The following MYO7B variants were observed in gnomAD, a reference collection of about 807,000 sequenced individuals.
The protein encoded by MYO7B is myosin VIIB, also known as unconventional myosin-VIIb.
In MYO7B, 212 loss-of-function variants were observed where a neutral mutation model predicts 259.7. The observed-to-expected ratio is 0.82, with a 90% CI of 0.73 to 0.91. The LOEUF is 0.91. Ranked by LOEUF, MYO7B falls within the 40% of genes least tolerant of loss-of-function variation. The pLI is 0.00. For missense variants in MYO7B, 2,732 were observed against 2,813.5 expected, an observed-to-expected ratio of 0.97 and a Z score of 0.66; for synonymous variants, 1,197 against 1,166.4, an observed-to-expected ratio of 1.03 and a Z score of -0.54.
Position 127,607,171 on chromosome 2 carries a change from T to C in MYO7B, c.2425-35T>C. 6.6e-7 allele frequency: 1 copy of C among 1,520,682 alleles called. No individual in the cohort carries two copies. The highest frequency in any genetic ancestry group is 1.2e-5 in the South Asian group (1 of 81,288). 94.2% of individuals were successfully genotyped at this position (1,520,682 alleles called of 1,614,324 possible). ...TCTCTGTTTCCTGGGGAAGGCCTTC[T>C]TGCCCCTGATCTCACCTCTCTCTTG... On this transcript the variant is annotated intron_variant, in intron 20 of 47. Coordinates refer to ENST00000409816, the MANE Select transcript of MYO7B (RefSeq NM_001393586.1). The surrounding 1 kb of genome is among the most constrained non-coding windows in gnomAD (Gnocchi z 4.4).
chr2:127,595,107 AT>A (rs1486495347), intron 18 of MYO7B, among the ~76,000 whole-genome samples: 1 of 151,986 alleles, frequency 6.6e-6, no homozygotes, highest in Admixed American at 6.6e-5. Flanking sequence ...TGGTCCTGGG[AT>A]TTTTTTCATT....
chr2:127,565,482 C>T, intron 4 of MYO7B, 97 bp downstream of exon 4: 3 of 1,491,482 alleles, frequency 2.0e-6, no homozygotes, highest in Non-Finnish European at 2.7e-6. Context: ...GCACTGCCCC[C>T]CATGCCCTCA....
rs1679818451 is a variant in MYO7B, at chr2:127,597,527, G to A, written c.2339+971G>A. ...CCATTGCACAAATGTTATATACGTGGAATTATACAACATGCAGCCTGGGGT... is the reference window on the plus strand; with the variant it reads ...CCATTGCACAAATGTTATATACGTGAAATTATACAACATGCAGCCTGGGGT... On this transcript the variant is annotated intron_variant, in intron 19 of 47. Coordinates refer to ENST00000409816, the MANE Select transcript of MYO7B (RefSeq NM_001393586.1). The surrounding 1 kb of genome is among the most constrained non-coding windows in gnomAD (Gnocchi z 4.8). 6.6e-6 allele frequency among the ~76,000 whole-genome samples: 1 copy of A among 152,076 alleles called. No individual in the cohort carries two copies. Among genetic ancestry groups the A allele is most frequent in the South Asian group, 2.1e-4 (1 of 4,818 alleles).
rs1190815168 is a variant in MYO7B, at chr2:127,611,572, C to T, written c.3193-678C>T. Among the ~76,000 whole-genome samples, 1 of 152,202 alleles carries T rather than the reference C, an allele frequency of 6.6e-6. No homozygotes were observed. Among genetic ancestry groups the T allele is most frequent in the Non-Finnish European group, 1.5e-5 (1 of 68,026 alleles). Reference sequence around the variant, plus strand: ...TTTGCCAGCTCATGTGTTTCATGGCCAGCCCCTGCACGGTAAACCAGCTTT... The same window carrying T: ...TTTGCCAGCTCATGTGTTTCATGGCTAGCCCCTGCACGGTAAACCAGCTTT... On this transcript the variant is annotated intron_variant, in intron 24 of 47. Transcript: ENST00000409816. This position sits in a 1 kb window ranked among gnomAD's most constrained non-coding sequence, Gnocchi z 5.4.
chr2:127,609,695 G>A lies in MYO7B; in HGVS notation c.3004G>A (p.Glu1002Lys), dbSNP rs574346274. The change falls in exon 23 of 48, where the codon GAA (glutamate) becomes AAA (lysine). Residue 1002 changes from glutamate to lysine, a missense_variant. Physicochemically the swap from Glu to Lys is moderately conservative, Grantham distance 56 (BLOSUM62 1). Transcript: ENST00000409816. The surrounding 1 kb of genome is among the most constrained non-coding windows in gnomAD (Gnocchi z 6.9). ...CCTCCGATACCCGTTGCTTTACCAC[G>A]AAGATGACACTGACTGCTTGGTACC... ...RPLRYPLLYHEDDTDCLAALV... is the reference protein window; with the variant it reads ...RPLRYPLLYHKDDTDCLAALV... 5.8e-5 allele frequency: 93 copies of A among 1,613,940 alleles called. 2 individuals are homozygous for A. The South Asian group carries it at 8.0e-4, about 14-fold the overall frequency.
chr2:127,560,261 A>G (rs1395662893), intron 2 of MYO7B, among the ~76,000 whole-genome samples: 2 of 152,008 alleles, frequency 1.3e-5, no homozygotes, highest in Non-Finnish European at 2.9e-5. Context: ...CCTGAGCTCA[A>G]AGCAATCCAC....
intron 1 of MYO7B, among the ~76,000 whole-genome samples, chr2:127,544,216 A>T (rs1182349847): frequency 6.6e-6 from 1 of 152,164 alleles, no homozygotes; most frequent in East Asian, 1.9e-4. Flanking sequence ...AGCTGGGACC[A>T]CAGGTGCTCA....
In MYO7B at chr2:127,630,895, T is replaced by A; in HGVS notation, c.4924T>A (p.Tyr1642Asn). 1 of 1,585,068 alleles carries A rather than the reference T, an allele frequency of 6.3e-7. No homozygotes were observed. Among genetic ancestry groups the A allele is most frequent in the Non-Finnish European group, 8.6e-7 (1 of 1,165,794 alleles). ...EKLHTLEEFS[Y>N]EFFRAPEKDM... ...GCTGCACACCCTGGAGGAGTTCTCC[T>A]ATGAGTTCTTCAGGTGCCCCCCAGC... The change falls in exon 36 of 48, where the codon TAT (tyrosine) becomes AAT (asparagine). Residue 1642 changes from tyrosine to asparagine, a missense_variant. By Grantham distance (143) the Tyr-to-Asn change is moderately radical (BLOSUM62 -2). This residue lies in a region of MYO7B where 821 missense variants were observed against 769.3 expected (regional missense o/e 1.07). Coordinates refer to ENST00000409816, the MANE Select transcript of MYO7B (RefSeq NM_001393586.1).
chr2:127,537,675 G>A (rs1042201054), intron 1 of MYO7B, among the ~76,000 whole-genome samples: 1 of 151,948 alleles, frequency 6.6e-6, no homozygotes, highest in Non-Finnish European at 1.5e-5. Flanking sequence ...GAAGGAATAG[G>A]AGGAGGAGGA....
chr2:127,584,833 C>G lies in MYO7B; in HGVS notation c.1610C>G (p.Ala537Gly). The change falls in exon 14 of 48, where the codon GCC becomes GGC. Residue 537 changes from alanine to glycine, a missense_variant. Physicochemically the swap from Ala to Gly is moderately conservative, Grantham distance 60. Transcript: ENST00000409816. This position sits in a 1 kb window ranked among gnomAD's most constrained non-coding sequence, Gnocchi z 5.8. Reference sequence around the variant, plus strand: ...AACAGCGTCCATGCCAACAACAAGGCCTTCCTACAGCCCAAGAACATCCAC... The same window carrying G: ...AACAGCGTCCATGCCAACAACAAGGGCTTCCTACAGCCCAAGAACATCCAC... ...KLNSVHANNK[A>G]FLQPKNIHDA... is the part of the protein sequence containing the mutation. 1.2e-6 allele frequency: 2 copies of G among 1,613,982 alleles called. No homozygotes were observed. The highest frequency in any genetic ancestry group is 1.7e-6 in the Non-Finnish European group (2 of 1,179,894).
Position 127,627,743 on chromosome 2 carries a change from G to A in MYO7B, c.4460+433G>A, listed in dbSNP as rs955734605. 2.2e-6 allele frequency: 1 copy of A among 459,104 alleles called. No homozygotes were observed. The highest frequency in any genetic ancestry group is 4.4e-6 in the Non-Finnish European group (1 of 228,750). The allele number at this position is 459,104 out of a possible 1,614,324, so 28.4% of individuals were successfully genotyped here. On this transcript the variant is annotated intron_variant, in intron 33 of 47. Coordinates refer to ENST00000409816, the MANE Select transcript of MYO7B (RefSeq NM_001393586.1). The surrounding 1 kb of genome is among the most constrained non-coding windows in gnomAD (Gnocchi z 5.6). ...GGGCTGGGGGTCCTCTTAGGCTGGG[G>A]CTGACCCCCACTCCCATGGGTCTCC...
rs779177795 is a variant in MYO7B at position 127,633,322 on chromosome 2, C to T, written c.5470C>T (p.Arg1824Cys). Residue 1824 changes from arginine (R) to cysteine (C), a missense_variant, in exon 40 of 48, where the codon CGC becomes TGC. Around this residue, in one of 3 missense-constraint regions of MYO7B, gnomAD observed 821 missense variants for 769.3 expected, o/e 1.07. Transcript: ENST00000409816. ...EVEAAEQNVS[R>C]ICHKIYFPND... ...GGAGGCCGCAGAGCAGAACGTCTCC[C>T]GCATCTGCCACAAGATCTACTTCCC... The T allele has an allele frequency of 3.3e-5, 54 of 1,612,802 alleles. No homozygotes were observed. The South Asian group carries it at 4.7e-4, about 14-fold the overall frequency.
In MYO7B at chr2:127,613,671, C is replaced by T. The variant is rs896167332; in HGVS notation, c.3398+1068C>T. ...TAGTACTTTTGGGTTGTATCCTGGACATTGAGGATGATACGTTAGAGACTC... is the reference window on the plus strand; with the variant it reads ...TAGTACTTTTGGGTTGTATCCTGGATATTGAGGATGATACGTTAGAGACTC... On this transcript the variant is annotated intron_variant, in intron 26 of 47. Coordinates refer to ENST00000409816, the MANE Select transcript of MYO7B (RefSeq NM_001393586.1). This position sits in a 1 kb window ranked among gnomAD's most constrained non-coding sequence, Gnocchi z 4.3. Among the ~76,000 whole-genome samples the T allele has an allele frequency of 2.6e-5, 4 of 152,128 alleles. No homozygotes were observed.
rs906620279 is a variant in MYO7B, at chr2:127,586,156, A to G, written c.1690+1243A>G. The stretch of plus-strand genomic sequence containing the variant: ...TACAAAGTCATGAAGATTTATCCCT[A>G]TGTTTTCTTCTAAGATTTTTTTAGT... On this transcript the variant is annotated intron_variant, in intron 14 of 47. Transcript: ENST00000409816. The surrounding 1 kb of genome is among the most constrained non-coding windows in gnomAD (Gnocchi z 4.8). Among the ~76,000 whole-genome samples, 1 of 152,116 alleles carries G rather than the reference A, an allele frequency of 6.6e-6. No individual in the cohort carries two copies.
chr2:127,607,108 T>G lies in MYO7B; in HGVS notation c.2425-98T>G, dbSNP rs1250526529. 1 of 1,190,806 alleles carries G rather than the reference T, an allele frequency of 8.4e-7. No homozygotes were observed. The highest frequency in any genetic ancestry group is 1.2e-6 in the Non-Finnish European group (1 of 858,258). The allele number at this position is 1,190,806 out of a possible 1,614,324, so 73.8% of individuals were successfully genotyped here. A position where few individuals can be genotyped will look rare whatever the true frequency, so the allele number is the denominator to read the frequency against. On this transcript the variant is annotated intron_variant, in intron 20 of 47. Transcript: ENST00000409816. This position sits in a 1 kb window ranked among gnomAD's most constrained non-coding sequence, Gnocchi z 4.4. ...GGCCCTTTGCCAAAACAAAACTAAC[T>G]GTAAATCTATCTTGCACTGCCTCCT...
intron 1 of MYO7B, among the ~76,000 whole-genome samples, chr2:127,555,094 C>T (rs912234876): frequency 1.2e-4 from 18 of 151,958 alleles, no homozygotes; most frequent in Non-Finnish European, 2.4e-4. Context: ...ATTACAGGTG[C>T]CCACCACCAT....
In MYO7B at chr2:127,543,499, T is replaced by G. The variant is rs537857770; in HGVS notation, c.-24+7668T>G. On this transcript the variant is annotated intron_variant, in intron 1 of 47. Transcript: ENST00000409816. ...CAAAATGGAGTCTCTTATGTCTACT[T>G]CTTTCTACATAGACACAGTAACAGT... Among the ~76,000 whole-genome samples the G allele has an allele frequency of 2.0e-5, 3 of 152,228 alleles. No individual in the cohort carries two copies. The South Asian group carries it at 6.2e-4, about 32-fold the overall frequency.
rs1680398481 is a variant in MYO7B at position 127,611,853 on chromosome 2, T to C, written c.3193-397T>C. 6.6e-6 allele frequency among the ~76,000 whole-genome samples: 1 copy of C among 152,164 alleles called. No homozygotes were observed. Among genetic ancestry groups the C allele is most frequent in the Non-Finnish European group, 1.5e-5 (1 of 68,032 alleles). On this transcript the variant is annotated intron_variant, in intron 24 of 47. Coordinates refer to ENST00000409816, the MANE Select transcript of MYO7B (RefSeq NM_001393586.1). The surrounding 1 kb of genome is among the most constrained non-coding windows in gnomAD (Gnocchi z 5.4). Reference sequence around the variant, plus strand: ...GCAGAGCATCCTGCTTCATCTGCTATCTTTACTGAGAATGACCATGGCCTG... The same window carrying C: ...GCAGAGCATCCTGCTTCATCTGCTACCTTTACTGAGAATGACCATGGCCTG...
rs1016426016 is a variant in MYO7B, at chr2:127,582,406, C to T, written c.1303C>T (p.Leu435Phe). Residue 435 changes from leucine to phenylalanine, a missense_variant, in exon 12 of 48, where the codon CTC becomes TTC. This residue lies in a region of MYO7B where 1,906 missense variants were observed against 2,026.4 expected (regional missense o/e 0.94). Transcript: ENST00000409816. ...CAAAAATGTGCGGAGGGCCATCGGCCTCCTGGACATATTTGGCTTTGAAAA... is the reference window on the plus strand; with the variant it reads ...CAAAAATGTGCGGAGGGCCATCGGCTTCCTGGACATATTTGGCTTTGAAAA... ...DPKNVRRAIG[L>F]LDIFGFENFE... 6.2e-7 allele frequency: 1 copy of T among 1,613,330 alleles called. No individual in the cohort carries two copies. The highest frequency in any genetic ancestry group is 8.5e-7 in the Non-Finnish European group (1 of 1,179,724).
Sources: allele counts gnomAD v4.1 joint callset (sites outside exome capture counted in the v4.1 genomes callset), GRCh38; gene constraint gnomAD v4.1.1; regional missense constraint gnomAD v4.1.1; non-coding constraint Gnocchi (gnomAD v3.1); transcripts MANE v1.5; gene names NCBI Gene and HGNC (gene_info 2026-07-23, HGNC 2026-07-21).